The following RUNX2 variants were observed in gnomAD, a reference collection of about 807,000 sequenced individuals.
The protein encoded by RUNX2 is runt-related transcription factor 2.
In RUNX2, 10 loss-of-function variants were observed where a neutral mutation model predicts 51.7. That is an observed-to-expected ratio of 0.19 (90% confidence interval 0.12 to 0.33). The LOEUF is 0.33. Among genes scored for constraint, RUNX2 ranks in the 10% least tolerant of loss-of-function variants. RUNX2 has a pLI of 1.00. For synonymous variants in RUNX2, 276 were observed against 273.6 expected, an observed-to-expected ratio of 1.01 and a Z score of -0.09; for missense variants, 562 against 691.3, an observed-to-expected ratio of 0.81 and a Z score of 2.10.
chr6:45,535,530 G>A (rs1185687006), intron 7 of RUNX2, among the ~76,000 whole-genome samples: 1 of 152,060 alleles, frequency 6.6e-6, no homozygotes, highest in Non-Finnish European at 1.5e-5. Flanking sequence ...CGTGAACCCG[G>A]GAGGCAGAGC....
chr6:45,459,342 A>G (rs895123179), intron 5 of RUNX2, among the ~76,000 whole-genome samples: 1 of 152,248 alleles, frequency 6.6e-6, no homozygotes, highest in Non-Finnish European at 1.5e-5. Flanking sequence ...TGCTGAATAT[A>G]CTTGAAATTC....
chr6:45,366,224 TAA>T (rs1451458733), intron 2 of RUNX2, among the ~76,000 whole-genome samples: 2 of 152,224 alleles, frequency 1.3e-5, no homozygotes, highest in African/African-American at 4.8e-5. Context: ...GAACATATGA[TAA>T]AGTAAAGCAG....
intron 3 of RUNX2, among the ~76,000 whole-genome samples, chr6:45,426,404 T>C (rs1213283040): frequency 6.6e-6 from 1 of 152,222 alleles, no homozygotes; most frequent in Non-Finnish European, 1.5e-5. Flanking sequence ...TTCAGCTCAT[T>C]AGCTGATGGT....
chr6:45,350,696 AG>A (rs1791834924), intron 2 of RUNX2, among the ~76,000 whole-genome samples: 1 of 152,216 alleles, frequency 6.6e-6, no homozygotes, highest in Admixed American at 6.5e-5. Flanking sequence ...TGCCTTTTAA[AG>A]GAAGCTTATA....
chr6:45,394,512 G>A (rs1351080558), intron 2 of RUNX2, among the ~76,000 whole-genome samples: 2 of 152,180 alleles, frequency 1.3e-5, no homozygotes, highest in African/African-American at 4.8e-5. Flanking sequence ...TTCTCAGTGA[G>A]TATAAAGGAC....
At position 45,547,345 on chromosome 6, in the gene RUNX2, TC is replaced by T. The variant is rs750479505; in HGVS notation, c.*43del. On this transcript the variant is annotated 3_prime_UTR_variant, in exon 9 of 9. Transcript: ENST00000647337. ...GGCCCAGTGGTATCTGGGGGCCACA[TC>T]CCACACGTATCAATATATACATATA... The T allele has an allele frequency of 2.3e-5, 33 of 1,415,524 alleles. No homozygotes were observed. Among genetic ancestry groups the T allele is most frequent in the Non-Finnish European group, 3.1e-5 (31 of 1,000,146 alleles). The allele number at this position is 1,415,524 out of a possible 1,614,324, so 87.7% of individuals were successfully genotyped here.
intron 5 of RUNX2, among the ~76,000 whole-genome samples, chr6:45,442,717 G>A (rs1798876207): frequency 6.6e-6 from 1 of 152,112 alleles, no homozygotes; most frequent in African/African-American, 2.4e-5. Context: ...GATTCTGTGG[G>A]TTGATTGGGG....
At chr6:45,468,126 T>C (rs1434842792) in intron 5 of RUNX2, among the ~76,000 whole-genome samples, 2 of 152,246 alleles carry the variant, frequency 1.3e-5, no homozygotes, top group African/African-American at 4.8e-5. Flanking sequence ...TCATTACAAC[T>C]GCAGTCACTT....
chr6:45,507,121 T>C (rs571381809), intron 6 of RUNX2, among the ~76,000 whole-genome samples: 6 of 151,964 alleles, frequency 3.9e-5, no homozygotes, highest in Non-Finnish European at 7.4e-5. Flanking sequence ...AAGTCAAGGA[T>C]ATTTGTGTTT....
At position 45,398,600 on chromosome 6, in the gene RUNX2, A is replaced by T. The variant is rs146975156; in HGVS notation, c.59-23993A>T. On this transcript the variant is annotated intron_variant, in intron 2 of 8. Coordinates refer to ENST00000647337, the MANE Select transcript of RUNX2 (RefSeq NM_001024630.4). ...TCTTGACCACAATCTGGCATCATTC[A>T]TCCCCTGACTTATGTAGAACATTTT... is the stretch of plus-strand genomic sequence containing the variant. Among the ~76,000 whole-genome samples, 667 of 152,330 alleles carry T rather than the reference A, an allele frequency of 4.4e-3. 4 individuals are homozygous for T. The highest frequency in any genetic ancestry group is 7.0e-3 in the Non-Finnish European group (476 of 68,026).
chr6:45,381,762 G>A (rs960793710), intron 2 of RUNX2, among the ~76,000 whole-genome samples: 42 of 152,192 alleles, frequency 2.8e-4, no homozygotes, highest in African/African-American at 1.0e-3. Context: ...AAACCAGCGT[G>A]AAAAGATGTA....
chr6:45,462,012 C>T (rs1435281925), intron 5 of RUNX2, among the ~76,000 whole-genome samples: 2 of 151,912 alleles, frequency 1.3e-5, no homozygotes, highest in African/African-American at 4.8e-5. Flanking sequence ...ATATAAGCCC[C>T]CCAGCCATTC....
At chr6:45,424,667 C>G (rs573770162) in intron 3 of RUNX2, among the ~76,000 whole-genome samples, 2 of 152,236 alleles carry the variant, frequency 1.3e-5, no homozygotes, top group African/African-American at 4.8e-5. Flanking sequence ...AATTCAGATT[C>G]CGTGTGTGGG....
At chr6:45,419,010 A>C (rs756676387) in intron 2 of RUNX2, among the ~76,000 whole-genome samples, 1 of 152,174 alleles carries the variant, frequency 6.6e-6, no homozygotes, top group African/African-American at 2.4e-5. Flanking sequence ...AAAATCCCCA[A>C]CCACTGAGGA....
intron 2 of RUNX2, among the ~76,000 whole-genome samples, chr6:45,393,598 T>C (rs1441413988): frequency 2.0e-5 from 3 of 151,902 alleles, no homozygotes; most frequent in Non-Finnish European, 4.4e-5. Flanking sequence ...CCGGCTAATT[T>C]TTCGTATTTT....
intron 3 of RUNX2, 80 bp downstream of exon 3, chr6:45,423,037 G>A: frequency 2.6e-6 from 4 of 1,546,792 alleles, no homozygotes; most frequent in Non-Finnish European, 3.5e-6. Flanking sequence ...CACGGGGCTG[G>A]GCCCCGGACG....
intron 6 of RUNX2, among the ~76,000 whole-genome samples, chr6:45,500,861 A>G (rs1800782463): frequency 6.6e-6 from 1 of 152,232 alleles, no homozygotes; most frequent in South Asian, 2.1e-4. Flanking sequence ...CAGGGGAACA[A>G]GGAAGATGTT....
chr6:45,412,389 A>G (rs1014265524), intron 2 of RUNX2, among the ~76,000 whole-genome samples: 133 of 152,040 alleles, frequency 8.7e-4, no homozygotes, highest in African/African-American at 3.0e-3. Flanking sequence ...AACCCCCCAA[A>G]AAAAAGAAGA....
At chr6:45,364,207 A>G (rs1022323495) in intron 2 of RUNX2, among the ~76,000 whole-genome samples, 2 of 152,156 alleles carry the variant, frequency 1.3e-5, no homozygotes, top group Non-Finnish European at 2.9e-5. Flanking sequence ...TTCAATGATT[A>G]AAAGTATAAA....
Sources: allele counts gnomAD v4.1 joint callset (sites outside exome capture counted in the v4.1 genomes callset), GRCh38; gene constraint gnomAD v4.1.1; transcripts MANE v1.5; gene names NCBI Gene and HGNC (gene_info 2026-07-23, HGNC 2026-07-21).